The following LRRK2 variants were observed in gnomAD, a reference collection of about 807,000 sequenced individuals.
LRRK2 encodes the protein leucine-rich repeat serine/threonine-protein kinase 2.
A neutral mutation model predicts 302.6 loss-of-function variants in LRRK2; 203 were observed. That is an observed-to-expected ratio of 0.67 (90% CI 0.60 to 0.75). LRRK2 has a LOEUF of 0.75. Ranked by LOEUF, LRRK2 falls within the 30% of genes least tolerant of loss-of-function variation. The pLI is 0.00. For missense variants in LRRK2, 2,830 were observed against 2,951.0 expected, an observed-to-expected ratio of 0.96 and a Z score of 0.95; for synonymous variants, 1,066 against 1,031.9, an observed-to-expected ratio of 1.03 and a Z score of -0.63.
intron 14 of LRRK2, among the ~76,000 whole-genome samples, chr12:40,268,568 A>T (rs1045866572): frequency 2.0e-5 from 3 of 152,182 alleles, no homozygotes; most frequent in Non-Finnish European, 4.4e-5. Flanking sequence ...CTAAATTTTT[A>T]AAAATGAAAA....
At chr12:40,342,458 G>A (rs1339667923) in intron 41 of LRRK2, among the ~76,000 whole-genome samples, 3 of 148,552 alleles carry the variant, frequency 2.0e-5, no homozygotes, top group African/African-American at 5.0e-5. Flanking sequence ...TCTTCTCACA[G>A]GCTGCTTAGT....
chr12:40,313,948 G>A (rs764020701), intron 31 of LRRK2, 24 bp from the exon 32 acceptor site: 26 of 1,598,606 alleles, frequency 1.6e-5, no homozygotes, highest in Middle Eastern at 1.7e-4. Flanking sequence ...AGATTTTTAC[G>A]GCTTGTCATT....
chr12:40,357,202 T>C (rs570123561), intron 46 of LRRK2, among the ~76,000 whole-genome samples: 3 of 152,336 alleles, frequency 2.0e-5, no homozygotes, highest in Non-Finnish European at 4.4e-5. Flanking sequence ...TGTCTTTCTG[T>C]GCTTGGCTTA....
intron 28 of LRRK2, among the ~76,000 whole-genome samples, chr12:40,307,948 C>A (rs1036447277): frequency 6.6e-6 from 1 of 151,640 alleles, no homozygotes; most frequent in Non-Finnish European, 1.5e-5. Context: ...TTCCCGGCTA[C>A]TTTTTGGATT....
intron 18 of LRRK2, among the ~76,000 whole-genome samples, chr12:40,282,516 C>T (rs552851797): frequency 6.6e-6 from 1 of 152,164 alleles, no homozygotes; most frequent in East Asian, 1.9e-4. Flanking sequence ...GAATGAACAC[C>T]TTTTTGCTGG....
rs560110506 is a variant in LRRK2 at position 40,333,998 on chromosome 12, T to C, written c.5758-969T>C. 2.4e-4 allele frequency among the ~76,000 whole-genome samples: 37 copies of C among 152,206 alleles called. No homozygotes were observed. The South Asian group carries it at 7.0e-3, about 29-fold the overall frequency. On this transcript the variant is annotated intron_variant, in intron 39 of 50. Coordinates refer to ENST00000298910, the MANE Select transcript of LRRK2 (RefSeq NM_198578.4). ...CAGGTGCTGAGGCCGTGGAAGTAGA[T>C]GGGATTTTCATCTAAGGGAAATGGG...
At chr12:40,296,212 TG>T (rs1248441742) in intron 23 of LRRK2, among the ~76,000 whole-genome samples, 1 of 152,254 alleles carries the variant, frequency 6.6e-6, no homozygotes, top group African/African-American at 2.4e-5. Flanking sequence ...CATAGTTTGT[TG>T]ATAGGATAGC....
intron 7 of LRRK2, 73 bp downstream of exon 7, chr12:40,243,754 A>T: frequency 7.5e-7 from 1 of 1,331,100 alleles, no homozygotes; most frequent in Non-Finnish European, 1.1e-6. Flanking sequence ...TATATGTTGC[A>T]TAATAATGGA....
intron 3 of LRRK2, among the ~76,000 whole-genome samples, chr12:40,233,614 A>G (rs1358407700): frequency 6.6e-6 from 1 of 152,200 alleles, no homozygotes; most frequent in African/African-American, 2.4e-5. Flanking sequence ...AGTATACAGC[A>G]TTTGATGAGG....
chr12:40,226,159 T>A (rs1439855817), intron 2 of LRRK2, among the ~76,000 whole-genome samples: 1 of 152,216 alleles, frequency 6.6e-6, no homozygotes, highest in East Asian at 1.9e-4. Context: ...AAGAAAGTGA[T>A]GTCTTATGAG....
chr12:40,346,762 C>CA lies in LRRK2; in HGVS notation c.6120dup (p.Pro2041ThrfsTer2). 1 of 1,613,818 alleles carries CA rather than the reference C, an allele frequency of 6.2e-7. No homozygotes were observed. Among genetic ancestry groups the CA allele is most frequent in the Non-Finnish European group, 8.5e-7 (1 of 1,179,840 alleles). On this transcript the variant is annotated frameshift_variant, in exon 42 of 51. Coordinates refer to ENST00000298910, the MANE Select transcript of LRRK2 (RefSeq NM_198578.4). LOFTEE classifies it high-confidence loss of function. Reference sequence around the variant, plus strand: ...ATCTGCTTACTTTCAGGGTTTCGTGCACCTGAAGTTGCCAGAGGAAATGTC... The same window carrying CA: ...ATCTGCTTACTTTCAGGGTTTCGTGCAACCTGAAGTTGCCAGAGGAAATGTC...
In LRRK2 at chr12:40,308,639, A is replaced by G. The variant is rs1447241100; in HGVS notation, c.4132A>G (p.Ile1378Val). 1 of 1,614,052 alleles carries G rather than the reference A, an allele frequency of 6.2e-7. No individual in the cohort carries two copies. The highest frequency in any genetic ancestry group is 1.1e-5 in the South Asian group (1 of 91,082). Reference protein sequence around the residue: ...TVGIDVKDWPIQIRDKRKRDL... With the variant: ...TVGIDVKDWPVQIRDKRKRDL... ...TGGCATAGATGTGAAAGACTGGCCT[A>G]TCCAAATAAGAGACAAAAGAAAGAG... Residue 1378 changes from isoleucine to valine, a missense_variant, in exon 29 of 51, where the codon ATC (isoleucine) becomes GTC (valine). By Grantham distance (29) the Ile-to-Val change is conservative (BLOSUM62 3). Coordinates refer to ENST00000298910, the MANE Select transcript of LRRK2 (RefSeq NM_198578.4).
chr12:40,283,503 G>T (rs907711340), intron 18 of LRRK2, among the ~76,000 whole-genome samples: 3 of 152,146 alleles, frequency 2.0e-5, no homozygotes, highest in Non-Finnish European at 4.4e-5. Flanking sequence ...CTGTGTTAAG[G>T]TACTGGTTTC....
At chr12:40,243,829 CA>C (rs1565674757) in intron 7 of LRRK2, 148 bp downstream of exon 7, 1 of 827,608 alleles carries the variant, frequency 1.2e-6, no homozygotes, top group South Asian at 1.7e-5. Context: ...TAAATTAAAA[CA>C]AAAAGAAAAT....
At chr12:40,330,879 T>C (rs1264163966) in intron 39 of LRRK2, among the ~76,000 whole-genome samples, 1 of 152,212 alleles carries the variant, frequency 6.6e-6, no homozygotes, top group East Asian at 1.9e-4. Context: ...TAATATTTTT[T>C]AGAATTGCAT....
Position 40,251,314 on chromosome 12 carries a change from G to A in LRRK2, c.1041G>A (p.Leu347=). ...ATGATGAGGGGGAAGAAGATAAATT[G>A]TTTTGGCTGGAAGCCTGTTACAAAG... ...ENDDEGEEDK[L]FWLEACYKAL... The change falls in exon 9 of 51, where the codon TTG becomes TTA. Residue 347 remains leucine, a synonymous_variant. Coordinates refer to ENST00000298910, the MANE Select transcript of LRRK2 (RefSeq NM_198578.4). 1 of 1,613,614 alleles carries A rather than the reference G, an allele frequency of 6.2e-7. No homozygotes were observed. Among genetic ancestry groups the A allele is most frequent in the Non-Finnish European group, 8.5e-7 (1 of 1,179,754 alleles).
chr12:40,360,422 C>T (rs1946667239), intron 47 of LRRK2, among the ~76,000 whole-genome samples: 1 of 151,870 alleles, frequency 6.6e-6, no homozygotes, highest in South Asian at 2.1e-4. Flanking sequence ...TCCCTTTATC[C>T]ACTTGACCCT....
At chr12:40,305,226 C>T (rs1002222764) in intron 27 of LRRK2, among the ~76,000 whole-genome samples, 47 of 152,126 alleles carry the variant, frequency 3.1e-4, no homozygotes, top group African/African-American at 1.1e-3. Flanking sequence ...TTCAGCAAAA[C>T]TGTGCATATA....
intron 8 of LRRK2, among the ~76,000 whole-genome samples, chr12:40,250,407 T>C (rs1342760523): frequency 1.3e-5 from 2 of 152,132 alleles, no homozygotes; most frequent in Non-Finnish European, 2.9e-5. Context: ...GGAGTATCGC[T>C]TGGAACTGGA....
Sources: allele counts gnomAD v4.1 joint callset (sites outside exome capture counted in the v4.1 genomes callset), GRCh38; gene constraint gnomAD v4.1.1; transcripts MANE v1.5; gene names NCBI Gene and HGNC (gene_info 2026-07-23, HGNC 2026-07-21).